Variants in EPS15 observed in about 807,000 individuals in gnomAD.
EPS15 encodes the protein epidermal growth factor receptor substrate 15.
Under a neutral mutation model 113.8 loss-of-function variants are expected in EPS15, and 72 were observed. The observed-to-expected ratio is 0.63, with a 90% CI of 0.52 to 0.77. EPS15 has a LOEUF of 0.77. Among genes scored for constraint, EPS15 ranks in the 30% least tolerant of loss-of-function variants. The pLI, the probability that EPS15 is intolerant of heterozygous loss-of-function variation, is 0.00. For missense variants in EPS15, 1,048 were observed against 1,045.8 expected (o/e 1.00, Z -0.03); for synonymous variants, 344 against 363.4 (o/e 0.95, Z 0.61).
intron 16 of EPS15, among the ~76,000 whole-genome samples, chr1:51,404,444 C>A (rs1648902719): frequency 6.6e-6 from 1 of 151,622 alleles, no homozygotes; most frequent in Non-Finnish European, 1.5e-5. Context: ...TGCAGGATAA[C>A]CTAGTAATCT....
At chr1:51,358,451 G>C (rs1646293304) in intron 24 of EPS15, among the ~76,000 whole-genome samples, 1 of 151,990 alleles carries the variant, frequency 6.6e-6, no homozygotes, top group South Asian at 2.1e-4. Context: ...AATTCTAATT[G>C]GTTTCAAGTC....
intron 12 of EPS15, chr1:51,423,107 G>T: frequency 2.4e-6 from 2 of 832,828 alleles, no homozygotes; most frequent in Non-Finnish European, 3.3e-6. Flanking sequence ...TGGATACGTA[G>T]GCACAATGTT....
At chr1:51,388,023 T>C (rs1034419893) in intron 21 of EPS15, among the ~76,000 whole-genome samples, 3 of 152,308 alleles carry the variant, frequency 2.0e-5, no homozygotes, top group East Asian at 1.9e-4. Context: ...ATACATTATT[T>C]TCAGCACCAC....
At chr1:51,392,446 T>C (rs1450851828) in intron 21 of EPS15, among the ~76,000 whole-genome samples, 1 of 152,188 alleles carries the variant, frequency 6.6e-6, no homozygotes, top group Non-Finnish European at 1.5e-5. Context: ...TCATCATTTA[T>C]TCTACCACTT....
intron 3 of EPS15, 22 bp from the exon 4 acceptor site, chr1:51,471,759 T>C (rs1472288529): frequency 1.9e-6 from 3 of 1,555,518 alleles, no homozygotes; most frequent in Non-Finnish European, 2.7e-6. Flanking sequence ...GGGGAAAAAA[T>C]ATCAATGTAT....
At chr1:51,496,308 A>C (rs1291002161) in intron 1 of EPS15, among the ~76,000 whole-genome samples, 1 of 152,154 alleles carries the variant, frequency 6.6e-6, no homozygotes, top group East Asian at 1.9e-4. Flanking sequence ...TTGCCTTTAT[A>C]ATCAATGTTA....
At position 51,357,771 on chromosome 1, in the gene EPS15, G is replaced by A. The variant is rs184829183; in HGVS notation, c.2545-925C>T. Among the ~76,000 whole-genome samples the A allele has an allele frequency of 1.4e-4, 19 of 139,728 alleles. No homozygotes were observed. In the South Asian group the frequency reaches 2.7e-3, roughly 20 times the overall value. 91.7% of individuals were successfully genotyped at this position (139,728 alleles called of 152,430 possible). ...TTTTTTTTTTTGAGACAGAGTTTTCGCTCTTGTTGCCCAGGCTGGGTGCTA... is the reference window on the plus strand; with the variant it reads ...TTTTTTTTTTTGAGACAGAGTTTTCACTCTTGTTGCCCAGGCTGGGTGCTA... On this transcript the variant is annotated intron_variant, in intron 24 of 24. Coordinates refer to ENST00000371733, the MANE Select transcript of EPS15 (RefSeq NM_001981.3).
rs745596567 is a variant in EPS15, at chr1:51,481,322, A to G, written c.34-8T>C. 5 of 1,160,766 alleles carry G rather than the reference A, an allele frequency of 4.3e-6. No individual in the cohort carries two copies. The East Asian group carries it at 1.2e-4, about 27-fold the overall frequency. The allele number at this position is 1,160,766 out of a possible 1,614,324, so 71.9% of individuals were successfully genotyped here. A position where few individuals can be genotyped will look rare whatever the true frequency, so the allele number is the denominator to read the frequency against. On this transcript the variant is annotated splice_region_variant and splice_polypyrimidine_tract_variant and intron_variant, in intron 1 of 24. Coordinates refer to ENST00000371733, the MANE Select transcript of EPS15 (RefSeq NM_001981.3). ...AGGATTCCCACTTGATAACTGAAATAAACACATTAATAAAAATTAGATGCT... is the reference window on the plus strand; with the variant it reads ...AGGATTCCCACTTGATAACTGAAATGAACACATTAATAAAAATTAGATGCT...
At chr1:51,366,086 A>G in intron 21 of EPS15, 57 bp from the exon 22 acceptor site, 1 of 1,159,946 alleles carries the variant, frequency 8.6e-7, no homozygotes, top group Non-Finnish European at 1.3e-6. Flanking sequence ...TTTTTTTTTG[A>G]GACAGAGTCT....
At chr1:51,371,565 A>C (rs532189817) in intron 21 of EPS15, among the ~76,000 whole-genome samples, 2 of 152,326 alleles carry the variant, frequency 1.3e-5, no homozygotes, top group East Asian at 3.9e-4. Flanking sequence ...GATATACAGA[A>C]AGAAAATATT....
chr1:51,389,010 A>C (rs1425554082), intron 21 of EPS15, among the ~76,000 whole-genome samples: 2 of 152,220 alleles, frequency 1.3e-5, no homozygotes, highest in Non-Finnish European at 2.9e-5. Flanking sequence ...GCAGAGATGC[A>C]ACCAAAAAAG....
At chr1:51,499,828 A>G (rs72691891) in intron 1 of EPS15, among the ~76,000 whole-genome samples, 3,336 of 152,280 alleles carry the variant, frequency 0.022, 32 homozygotes, top group Middle Eastern at 0.034. Flanking sequence ...AAAATTGTAC[A>G]TTTTCAAGTA....
At chr1:51,400,492 C>T (rs1346600070) in intron 19 of EPS15, among the ~76,000 whole-genome samples, 3 of 151,492 alleles carry the variant, frequency 2.0e-5, no homozygotes, top group African/African-American at 4.9e-5. Context: ...CCCAGGAGTT[C>T]GAGACCAACC....
In EPS15 at chr1:51,465,284, C is replaced by T. The variant is rs761149513; in HGVS notation, c.352G>A (p.Ala118Thr). The T allele has an allele frequency of 1.9e-6, 3 of 1,610,558 alleles. No homozygotes were observed. In the South Asian group the frequency reaches 3.3e-5, roughly 18 times the overall value. The change falls in exon 6 of 25, where the codon GCT becomes ACT. Residue 118 changes from alanine to threonine, a missense_variant. By Grantham distance (58) the Ala-to-Thr change is moderately conservative. Transcript: ENST00000371733. ...SPLLISGTSAAELPWAVKPED... is the reference protein window; with the variant it reads ...SPLLISGTSATELPWAVKPED... ...ACTTTTACAGCCCATGGGAGCTCAGCTGCAGAGGTTCCACTGATTAGCAAA... is the reference window on the plus strand; with the variant it reads ...ACTTTTACAGCCCATGGGAGCTCAGTTGCAGAGGTTCCACTGATTAGCAAA...
intron 8 of EPS15, among the ~76,000 whole-genome samples, chr1:51,448,917 C>A (rs1653299067): frequency 6.6e-6 from 1 of 152,080 alleles, no homozygotes; most frequent in African/African-American, 2.4e-5. Context: ...ACAGTTCCTG[C>A]CCAAAATGAA....
chr1:51,387,067 G>C (rs1647099971), intron 21 of EPS15, among the ~76,000 whole-genome samples: 1 of 152,164 alleles, frequency 6.6e-6, no homozygotes, highest in South Asian at 2.1e-4. Flanking sequence ...GGCAGCCAGA[G>C]AGAAAGGTCG....
chr1:51,360,340 T>C (rs1337958224), intron 24 of EPS15, among the ~76,000 whole-genome samples: 1 of 152,228 alleles, frequency 6.6e-6, no homozygotes, highest in African/African-American at 2.4e-5. Context: ...TGTTACCCGG[T>C]CTAAGAATTT....
chr1:51,416,861 ATTAT>A, intron 13 of EPS15, among the ~76,000 whole-genome samples: 1 of 150,460 alleles, frequency 6.6e-6, no homozygotes, highest in African/African-American at 2.4e-5. Context: ...TAATTATATA[ATTAT>A]TTATTTTTAA....
rs1181151202 is a variant in EPS15, at chr1:51,358,699, G to GT, written c.2545-1854dup. On this transcript the variant is annotated intron_variant, in intron 24 of 24. Transcript: ENST00000371733. ...TTCAAGACTCCTTCCAACCAGATTTGTTTTTTTTTGTTTTTTTTTTTTTTT... is the reference window on the plus strand; with the variant it reads ...TTCAAGACTCCTTCCAACCAGATTTGTTTTTTTTTTGTTTTTTTTTTTTTTT... 2.8e-3 allele frequency among the ~76,000 whole-genome samples: 364 copies of GT among 129,286 alleles called. 2 individuals are homozygous for GT. The highest frequency in any genetic ancestry group is 8.3e-3 in the African/African-American group (285 of 34,346). 84.8% of individuals were successfully genotyped at this position (129,286 alleles called of 152,430 possible).
Sources: gnomAD v4.1 joint callset for allele counts (sites outside exome capture counted in the v4.1 genomes callset) on GRCh38, gnomAD v4.1.1 for gene constraint, MANE v1.5 for transcripts, NCBI Gene and HGNC (gene_info 2026-07-23, HGNC 2026-07-21) for gene names.